Variants in ASAP1 observed in about 807,000 individuals in gnomAD.
ASAP1 encodes the protein arf-GAP with SH3 domain, ANK repeat and PH domain-containing protein 1.
A neutral mutation model predicts 145.2 loss-of-function variants in ASAP1; 43 were observed. The observed-to-expected ratio is 0.30, with a 90% CI of 0.23 to 0.38. The LOEUF is 0.38. Ranked by LOEUF, ASAP1 falls within the 10% of genes least tolerant of loss-of-function variation. The probability of loss-of-function intolerance (pLI) is 1.00; values close to 1 mark genes in which losing one functional copy is unlikely to be tolerated. For synonymous variants in ASAP1, 546 were observed against 515.5 expected (o/e 1.06, Z -0.80); for missense variants, 1,018 against 1,355.3 (o/e 0.75, Z 3.91).
At chr8:130,325,740 TAAA>T (rs1193290291) in intron 3 of ASAP1, among the ~76,000 whole-genome samples, 19 of 152,234 alleles carry the variant, frequency 1.2e-4, no homozygotes, top group Admixed American at 8.5e-4. Flanking sequence ...AGGGCAGGGC[TAAA>T]TGCTTTTCCA....
intron 1 of ASAP1, among the ~76,000 whole-genome samples, chr8:130,407,248 T>C (rs1172385888): frequency 6.6e-6 from 1 of 152,126 alleles, no homozygotes; most frequent in Non-Finnish European, 1.5e-5. Flanking sequence ...TCAGGCTCAA[T>C]CCCACTAAGG....
intron 3 of ASAP1, among the ~76,000 whole-genome samples, chr8:130,283,220 T>C (rs1212655749): frequency 6.6e-6 from 1 of 152,082 alleles, no homozygotes; most frequent in African/African-American, 2.4e-5. Context: ...GTAGAGAGCA[T>C]GGCATCTGGA....
chr8:130,254,396 T>G (rs1489027002), intron 3 of ASAP1, among the ~76,000 whole-genome samples: 2 of 152,110 alleles, frequency 1.3e-5, no homozygotes, highest in Non-Finnish European at 2.9e-5. Flanking sequence ...AATCATACAG[T>G]GGTCTGTTAT....
chr8:130,426,078 C>A (rs1829905008), intron 1 of ASAP1, among the ~76,000 whole-genome samples: 1 of 152,144 alleles, frequency 6.6e-6, no homozygotes, highest in Non-Finnish European at 1.5e-5. Flanking sequence ...GGAGGAGGGG[C>A]CTTGTGGGAG....
At chr8:130,269,540 T>C (rs1349987954) in intron 3 of ASAP1, among the ~76,000 whole-genome samples, 1 of 152,202 alleles carries the variant, frequency 6.6e-6, no homozygotes, top group Non-Finnish European at 1.5e-5. Context: ...CAGTAATACA[T>C]GCCACCTACC....
intron 1 of ASAP1, among the ~76,000 whole-genome samples, chr8:130,406,472 G>A (rs1829033243): frequency 6.7e-6 from 1 of 149,562 alleles, no homozygotes; most frequent in Admixed American, 6.7e-5. Context: ...TCATACTTTA[G>A]TTCTTTTTTT....
intron 4 of ASAP1, among the ~76,000 whole-genome samples, chr8:130,230,943 A>G (rs1352683299): frequency 6.6e-6 from 1 of 152,184 alleles, no homozygotes; most frequent in Non-Finnish European, 1.5e-5. Context: ...CACCGAACCT[A>G]ATTACCAACT....
At chr8:130,199,080 A>G (rs1035902447) in intron 5 of ASAP1, among the ~76,000 whole-genome samples, 2 of 152,182 alleles carry the variant, frequency 1.3e-5, no homozygotes, top group African/African-American at 4.8e-5. Flanking sequence ...CATTCTAAAT[A>G]ATAAATAAGT....
intron 9 of ASAP1, among the ~76,000 whole-genome samples, chr8:130,173,921 GAA>G (rs148540620): frequency 1.4e-5 from 2 of 146,952 alleles, no homozygotes; most frequent in African/African-American, 5.0e-5. Context: ...AAAAAAAAAA[GAA>G]AAAAAAAATT....
At chr8:130,345,969 C>T (rs16904251) in intron 3 of ASAP1, among the ~76,000 whole-genome samples, 15,303 of 152,206 alleles carry the variant, frequency 0.1, 910 homozygotes, top group South Asian at 0.27. Context: ...AATTTAGTAA[C>T]TGTGGGTTTT....
intron 24 of ASAP1, among the ~76,000 whole-genome samples, chr8:130,106,419 A>C (rs2097536958): frequency 6.6e-6 from 1 of 152,218 alleles, no homozygotes; most frequent in South Asian, 2.1e-4. Context: ...TCATATACTG[A>C]GCAAGTCTTC....
chr8:130,117,198 G>C (rs925864593), intron 20 of ASAP1, among the ~76,000 whole-genome samples: 2 of 152,110 alleles, frequency 1.3e-5, no homozygotes, highest in Non-Finnish European at 2.9e-5. Flanking sequence ...AGGTCCTATG[G>C]GACAGACACT....
intron 7 of ASAP1, among the ~76,000 whole-genome samples, chr8:130,184,040 G>C (rs1814548982): frequency 6.6e-6 from 1 of 152,194 alleles, no homozygotes; most frequent in Non-Finnish European, 1.5e-5. Flanking sequence ...ACATCTGCTA[G>C]AGCAGATAAG....
At chr8:130,428,653 A>C (rs1830030901) in intron 1 of ASAP1, among the ~76,000 whole-genome samples, 1 of 149,062 alleles carries the variant, frequency 6.7e-6, no homozygotes, top group Admixed American at 6.7e-5. Context: ...CACCACCATC[A>C]TCACCATCCC....
At chr8:130,102,993 GCTGT>G (rs71572320) in intron 24 of ASAP1, among the ~76,000 whole-genome samples, 86,170 of 151,592 alleles carry the variant, frequency 0.57, 24,719 homozygotes, top group East Asian at 0.67. Flanking sequence ...ATCCAGCCTA[GCTGT>G]CTGTTTTTTA....
Position 130,115,766 on chromosome 8 carries a change from A to C in ASAP1, c.2065-31T>G, listed in dbSNP as rs774187257. The stretch of plus-strand genomic sequence containing the variant: ...AGGAACAGCAAATGTGCACCATTTT[A>C]ATTTAAATGCTGAAACATCCCAATA... On this transcript the variant is annotated intron_variant, in intron 22 of 29. Transcript: ENST00000518721. 21 of 1,481,308 alleles carry C rather than the reference A, an allele frequency of 1.4e-5. No homozygotes were observed. The South Asian group carries it at 2.4e-4, about 17-fold the overall frequency. The allele number at this position is 1,481,308 out of a possible 1,614,324, so 91.8% of individuals were successfully genotyped here.
At chr8:130,198,134 A>ATT (rs200376344) in intron 5 of ASAP1, among the ~76,000 whole-genome samples, 21 of 139,770 alleles carry the variant, frequency 1.5e-4, no homozygotes, top group African/African-American at 3.4e-4. Context: ...TTTTCATAAG[A>ATT]TTTTTTTTTT....
At chr8:130,283,981 A>C (rs559115135) in intron 3 of ASAP1, among the ~76,000 whole-genome samples, 1 of 152,262 alleles carries the variant, frequency 6.6e-6, no homozygotes, top group East Asian at 1.9e-4. Flanking sequence ...TGGGTATTGC[A>C]CTGACTGTAT....
intron 7 of ASAP1, among the ~76,000 whole-genome samples, chr8:130,186,201 A>G (rs1289806494): frequency 6.6e-6 from 1 of 152,172 alleles, no homozygotes; most frequent in Non-Finnish European, 1.5e-5. Flanking sequence ...TTCATTTATC[A>G]GTTGACCATT....
Sources: allele counts gnomAD v4.1 joint callset (sites outside exome capture counted in the v4.1 genomes callset), GRCh38; gene constraint gnomAD v4.1.1; transcripts MANE v1.5; gene names NCBI Gene and HGNC (gene_info 2026-07-23, HGNC 2026-07-21).